Variants in APOO observed in about 807,000 individuals in gnomAD.
APOO encodes the protein MICOS complex subunit MIC26.
Under a neutral mutation model 23.1 loss-of-function variants are expected in APOO, and 11 were observed. The ratio of observed to expected loss-of-function variants is 0.48; its 90% CI spans 0.30 to 0.79. The LOEUF (loss-of-function observed/expected upper bound fraction) is 0.79. Ranked by LOEUF, APOO falls within the 30% of genes least tolerant of loss-of-function variation. APOO has a pLI of 0.07. For missense variants in APOO, 160 were observed against 142.7 expected (o/e 1.12, Z -0.62); for synonymous variants, 59 against 54.8 (o/e 1.08, Z -0.34).
intron 7 of APOO, among the ~76,000 whole-genome samples, chrX:23,852,063 A>T (rs1176265657): frequency 9.0e-6 from 1 of 111,011 alleles, no homozygotes; most frequent in Non-Finnish European, 1.9e-5. Flanking sequence ...AGGTGGGATT[A>T]CAGGTGTGTG....
chrX:23,869,640 GAA>G (rs761388017), intron 4 of APOO, among the ~76,000 whole-genome samples: 39 of 33,910 alleles, frequency 1.2e-3, no homozygotes, highest in South Asian at 0.01. Flanking sequence ...CTCTTAAAAA[GAA>G]AAAAAAAAAA....
At chrX:23,898,083 G>A (rs1926981019) in intron 1 of APOO, among the ~76,000 whole-genome samples, 1 of 108,249 alleles carries the variant, frequency 9.2e-6, no homozygotes, top group African/African-American at 3.4e-5. Flanking sequence ...CTAGACATGG[G>A]TTTCATATCT....
chrX:23,895,533 C>G (rs776127110), intron 1 of APOO, among the ~76,000 whole-genome samples: 4 of 111,303 alleles, frequency 3.6e-5, no homozygotes, highest in Non-Finnish European at 5.7e-5. Flanking sequence ...GGACAAACAC[C>G]TAATGCATGC....
intron 5 of APOO, among the ~76,000 whole-genome samples, chrX:23,865,267 A>C (rs778138967): frequency 9.0e-6 from 1 of 110,690 alleles, no homozygotes; most frequent in South Asian, 3.9e-4. Context: ...AGTTGTGGCA[A>C]TCCTCAACAA....
chrX:23,854,442 G>T (rs985370240), intron 7 of APOO, among the ~76,000 whole-genome samples: 1 of 112,512 alleles, frequency 8.9e-6, no homozygotes, highest in Non-Finnish European at 1.9e-5. Context: ...CCACATTTCT[G>T]TCTAGGGCTG....
chrX:23,848,462 C>T (rs1289302209), intron 7 of APOO, among the ~76,000 whole-genome samples: 1 of 111,388 alleles, frequency 9.0e-6, no homozygotes, highest in African/African-American at 3.3e-5. Flanking sequence ...CCGTGCCTGG[C>T]CATTATTTTT....
At chrX:23,892,381 A>T (rs112320421) in intron 1 of APOO, among the ~76,000 whole-genome samples, 31 of 109,787 alleles carry the variant, frequency 2.8e-4, no homozygotes, top group African/African-American at 9.9e-4. Context: ...CAGCCTCCCA[A>T]GTAGCTGGCA....
chrX:23,865,651 C>T (rs1373000955), intron 5 of APOO, among the ~76,000 whole-genome samples: 1 of 108,804 alleles, frequency 9.2e-6, no homozygotes, highest in African/African-American at 3.3e-5. Flanking sequence ...TGCACCCACC[C>T]ACCCTGCTGC....
chrX:23,861,510 C>T (rs1184132264), intron 5 of APOO, among the ~76,000 whole-genome samples: 4 of 90,215 alleles, frequency 4.4e-5, no homozygotes, highest in African/African-American at 1.7e-4. Flanking sequence ...TAGGTTATAG[C>T]AATGCAAGAA....
intron 7 of APOO, among the ~76,000 whole-genome samples, chrX:23,852,878 A>T (rs1403398470): frequency 2.7e-5 from 3 of 110,231 alleles, no homozygotes; most frequent in Non-Finnish European, 3.8e-5. Flanking sequence ...GAATTATTTG[A>T]TAGTCTATGA....
intron 5 of APOO, among the ~76,000 whole-genome samples, chrX:23,864,121 A>G (rs1283720566): frequency 9.3e-6 from 1 of 108,104 alleles, no homozygotes; most frequent in Non-Finnish European, 1.9e-5. Flanking sequence ...TCAGCCTCCC[A>G]AGAATCTGGG....
chrX:23,907,899 G>A lies in APOO; in HGVS notation c.-197C>T, dbSNP rs2147060672. On this transcript the variant is annotated 5_prime_UTR_variant, in exon 1 of 9. Coordinates refer to ENST00000379226, the MANE Select transcript of APOO (RefSeq NM_024122.5). ...CCGGTTCTAGAAGCCGCGTCGCTGA[G>A]CCGCAGCGCGTCGCGCCCGGGCAGC... 2.3e-6 allele frequency: 1 copy of A among 434,613 alleles called. No homozygotes were observed. Among genetic ancestry groups the A allele is most frequent in the South Asian group, 5.9e-5 (1 of 16,940 alleles). The allele number at this position is 434,613 out of a possible 1,213,427, so 35.8% of individuals were successfully genotyped here.
intron 2 of APOO, 40 bp downstream of exon 2, chrX:23,880,805 C>A: frequency 1.1e-6 from 1 of 934,491 alleles, no homozygotes; most frequent in Non-Finnish European, 1.4e-6. Flanking sequence ...GTAACTAAAT[C>A]AGACACTCAA....
At chrX:23,840,485 G>T in intron 7 of APOO, 108 bp from the exon 8 acceptor site, 1 of 706,651 alleles carries the variant, frequency 1.4e-6, no homozygotes, top group Non-Finnish European at 2.0e-6. Flanking sequence ...TATTATGGGG[G>T]ACAGGGTCAA....
At chrX:23,900,366 C>T (rs1031629832) in intron 1 of APOO, among the ~76,000 whole-genome samples, 2 of 111,335 alleles carry the variant, frequency 1.8e-5, no homozygotes, top group Non-Finnish European at 3.8e-5. Flanking sequence ...GATCAGAGGA[C>T]GCTGAGAGAT....
At chrX:23,863,059 C>T (rs1047841791) in intron 5 of APOO, among the ~76,000 whole-genome samples, 13 of 112,000 alleles carry the variant, frequency 1.2e-4, no homozygotes, top group Non-Finnish European at 2.1e-4. Flanking sequence ...CAAGGCTGGG[C>T]ATGGTGGCTC....
At chrX:23,838,608 C>T (rs1215784050) in intron 8 of APOO, among the ~76,000 whole-genome samples, 1 of 106,784 alleles carries the variant, frequency 9.4e-6, no homozygotes, top group South Asian at 4.3e-4. Flanking sequence ...TTAGTAGAGA[C>T]GGGCTTTCAC....
intron 1 of APOO, among the ~76,000 whole-genome samples, chrX:23,897,269 G>A (rs181709854): frequency 8.9e-6 from 1 of 112,291 alleles, no homozygotes; most frequent in Admixed American, 9.5e-5. Flanking sequence ...TAAAGATAGC[G>A]ATTAGATTTT....
At chrX:23,862,834 A>G (rs1601904693) in intron 5 of APOO, among the ~76,000 whole-genome samples, 1 of 76,375 alleles carries the variant, frequency 1.3e-5, no homozygotes, top group Non-Finnish European at 2.5e-5. Flanking sequence ...AGGAAGAAGG[A>G]GGGAAGGGAA....
Sources: allele counts gnomAD v4.1 joint callset (sites outside exome capture counted in the v4.1 genomes callset), GRCh38; gene constraint gnomAD v4.1.1; transcripts MANE v1.5; gene names NCBI Gene and HGNC (gene_info 2026-07-23, HGNC 2026-07-21).